CIAO2B: variants seen among roughly 807,000 people sequenced by gnomAD.
CIAO2B encodes the protein cytosolic iron-sulfur assembly component 2B.
In CIAO2B, 20 loss-of-function variants were observed where a neutral mutation model predicts 16.4. That is an observed-to-expected ratio of 1.22 (90% confidence interval 0.86 to 1.77). The LOEUF (loss-of-function observed/expected upper bound fraction) is 1.77. CIAO2B is among the 40% of genes most tolerant of loss of function. The probability of loss-of-function intolerance (pLI) is 0.00; values close to 1 mark genes in which losing one functional copy is unlikely to be tolerated. For synonymous variants in CIAO2B, 106 were observed against 90.4 expected, an observed-to-expected ratio of 1.17 and a Z score of -0.98; for missense variants, 215 against 222.4, an observed-to-expected ratio of 0.97 and a Z score of 0.21.
In CIAO2B at chr16:66,932,446, A is replaced by ATAT. The variant is rs2145490397; in HGVS notation, c.395-149_395-147dup. The ATAT allele has an allele frequency of 4.0e-6, 3 of 751,246 alleles. No homozygotes were observed. The South Asian group carries it at 4.4e-5, about 11-fold the overall frequency. 46.5% of individuals were successfully genotyped at this position (751,246 alleles called of 1,614,324 possible). A position where few individuals can be genotyped will look rare whatever the true frequency, so the allele number is the denominator to read the frequency against. On this transcript the variant is annotated intron_variant, in intron 4 of 4. Coordinates refer to ENST00000422424, the MANE Select transcript of CIAO2B (RefSeq NM_016062.4). ...TGTCACCTCCTTCCCAGGACCCCAC[A>ATAT]TATTGATCAGGCTACTTCAACCACC...
In CIAO2B at chr16:66,934,117, C is replaced by T. The variant is rs1162384707; in HGVS notation, c.143-51G>A. 1 of 1,611,900 alleles carries T rather than the reference C, an allele frequency of 6.2e-7. No individual in the cohort carries two copies. The highest frequency in any genetic ancestry group is 1.3e-5 in the African/African-American group (1 of 74,910). ...TGCGCCCTTGCCCACTTAGAACCCTCTGCCAGGAACGCCCTGCTGGGATGC... is the reference window on the plus strand; with the variant it reads ...TGCGCCCTTGCCCACTTAGAACCCTTTGCCAGGAACGCCCTGCTGGGATGC... On this transcript the variant is annotated intron_variant, in intron 1 of 4. Transcript: ENST00000422424. The surrounding 1 kb of genome is among the most constrained non-coding windows in gnomAD (Gnocchi z 4.1).
intron 3 of CIAO2B, chr16:66,933,341 G>C: frequency 2.2e-6 from 1 of 445,096 alleles, no homozygotes; most frequent in East Asian, 4.3e-5. Flanking sequence ...TGATTTAAAG[G>C]CCTGCCTGTG....
Position 66,933,554 on chromosome 16 carries a change from C to G in CIAO2B, c.348+60G>C, listed in dbSNP as rs1425396951. ...TCCATGTTCATGCTCTCCCAGTCCC[C>G]ATCCTCAGCAGTAGACCCTCAATGC... On this transcript the variant is annotated intron_variant, in intron 3 of 4. Coordinates refer to ENST00000422424, the MANE Select transcript of CIAO2B (RefSeq NM_016062.4). The G allele has an allele frequency of 2.5e-6, 4 of 1,581,038 alleles. No individual in the cohort carries two copies. In the Admixed American group the frequency reaches 5.3e-5, roughly 21 times the overall value.
rs2145493378 is a variant in CIAO2B at position 66,934,162 on chromosome 16, T to C, written c.142+61A>G. 6.2e-7 allele frequency: 1 copy of C among 1,610,784 alleles called. No homozygotes were observed. Among genetic ancestry groups the C allele is most frequent in the Non-Finnish European group, 8.5e-7 (1 of 1,178,864 alleles). On this transcript the variant is annotated intron_variant, in intron 1 of 4. Transcript: ENST00000422424. The surrounding 1 kb of genome is among the most constrained non-coding windows in gnomAD (Gnocchi z 4.1). ...GGATGCGGCTCCACCAGCTGCTCGA[T>C]ATCACTGCTCCCCCCACCGCAAGCC...
chr16:66,932,744 C>T, intron 4 of CIAO2B, 36 bp downstream of exon 4: 1 of 1,594,514 alleles, frequency 6.3e-7, no homozygotes, highest in East Asian at 2.3e-5. Context: ...TTAGGGGGTG[C>T]CCGGGCCAAC....
chr16:66,933,589 C>T (rs1266841333), intron 3 of CIAO2B, 25 bp downstream of exon 3: 2 of 1,605,974 alleles, frequency 1.2e-6, no homozygotes, highest in African/African-American at 1.3e-5. Flanking sequence ...CCTGGTCTCA[C>T]TCCCGGGGCT....
intron 3 of CIAO2B, among the ~76,000 whole-genome samples, chr16:66,933,158 T>C (rs902982025): frequency 6.6e-6 from 1 of 152,016 alleles, no homozygotes; most frequent in Non-Finnish European, 1.5e-5. Flanking sequence ...CCCACTAATT[T>C]TTGTATTTTT....
chr16:66,933,590 T>G (rs374659607), intron 3 of CIAO2B, 24 bp downstream of exon 3: 16 of 1,606,216 alleles, frequency 1.0e-5, no homozygotes, highest in South Asian at 4.5e-5. Context: ...CTGGTCTCAC[T>G]CCCGGGGCTC....
rs1357358460 is a variant in CIAO2B, at chr16:66,932,127, G to A, written c.*76C>T. 10 of 1,153,730 alleles carry A rather than the reference G, an allele frequency of 8.7e-6. No individual in the cohort carries two copies. The highest frequency in any genetic ancestry group is 1.2e-5 in the Non-Finnish European group (10 of 810,206). 71.5% of individuals were successfully genotyped at this position (1,153,730 alleles called of 1,614,324 possible). On this transcript the variant is annotated 3_prime_UTR_variant, in exon 5 of 5. Transcript: ENST00000422424. ...TAGTTTCTCATTGTGAGTGATTCAA[G>A]AAAACAACGGTAACAGCCCTGGCAG...
Position 66,934,034 on chromosome 16 carries a change from G to A in CIAO2B, c.175C>T (p.Pro59Ser). 6.2e-7 allele frequency: 1 copy of A among 1,613,760 alleles called. No homozygotes were observed. Among genetic ancestry groups the A allele is most frequent in the Non-Finnish European group, 8.5e-7 (1 of 1,179,868 alleles). Reference sequence around the variant, plus strand: ...ACGTTCAACTCCTCTAGCGTCAGTGGATGCTCCGGGTCATTGATGGAGCGA... The same window carrying A: ...ACGTTCAACTCCTCTAGCGTCAGTGAATGCTCCGGGTCATTGATGGAGCGA... ...LIRSINDPEH[P>S]LTLEELNVVE... Residue 59 changes from proline (P) to serine (S), a missense_variant, in exon 2 of 5, where the codon CCA becomes TCA. By Grantham distance (74) the Pro-to-Ser change is moderately conservative (BLOSUM62 -1). Coordinates refer to ENST00000422424, the MANE Select transcript of CIAO2B (RefSeq NM_016062.4). The surrounding 1 kb of genome is among the most constrained non-coding windows in gnomAD (Gnocchi z 4.1).
In CIAO2B at chr16:66,933,668, A is replaced by G. The variant is rs1228773608; in HGVS notation, c.294T>C (p.Leu98=). The G allele has an allele frequency of 1.2e-6, 2 of 1,604,946 alleles. No homozygotes were observed. Among genetic ancestry groups the G allele is most frequent in the Non-Finnish European group, 8.5e-7 (1 of 1,176,028 alleles). Reference sequence around the variant, plus strand: ...GCTTGACCTTGATGGACAGACCAATAAGGGTGGCCATGCTGCAGTGCGGAA... The same window carrying G: ...GCTTGACCTTGATGGACAGACCAATGAGGGTGGCCATGCTGCAGTGCGGAA... ...PTIPHCSMAT[L]IGLSIKVKLL... The change falls in exon 3 of 5, where the codon CTT becomes CTC. Residue 98 remains leucine, a synonymous_variant. Transcript: ENST00000422424.
Position 66,934,315 on chromosome 16 carries a change from G to C in CIAO2B, c.50C>G (p.Pro17Arg), listed in dbSNP as rs753507526. Residue 17 changes from proline (P) to arginine (R), a missense_variant, in exon 1 of 5, where the codon CCC (proline) becomes CGC (arginine). Transcript: ENST00000422424. The surrounding 1 kb of genome is among the most constrained non-coding windows in gnomAD (Gnocchi z 4.1). ...VGGGLLENAN[P>R]LIYQRSGERP... is the part of the protein sequence containing the mutation. ...CTCCCCAGAGCGCTGGTAGATGAGG[G>C]GGTTGGCATTCTCCAGGAGGCCGCC... 2 of 1,603,622 alleles carry C rather than the reference G, an allele frequency of 1.2e-6. No individual in the cohort carries two copies. Among genetic ancestry groups the C allele is most frequent in the South Asian group, 2.2e-5 (2 of 90,426 alleles).
In CIAO2B at chr16:66,934,365, C is replaced by A. The variant is rs375950439; in HGVS notation, c.-1G>T. The A allele has an allele frequency of 2.6e-3, 4,025 of 1,550,372 alleles. 19 individuals are homozygous for A. Among genetic ancestry groups the A allele is most frequent in the Non-Finnish European group, 2.6e-3 (3,043 of 1,154,970 alleles). On this transcript the variant is annotated 5_prime_UTR_variant, in exon 1 of 5. Coordinates refer to ENST00000422424, the MANE Select transcript of CIAO2B (RefSeq NM_016062.4). The surrounding 1 kb of genome is among the most constrained non-coding windows in gnomAD (Gnocchi z 4.1). ...CGCCGACCCCGCCGCCGCCTACCAT[C>A]GCGGAACCACCACCGCTGATCCTAG...
At chr16:66,932,626 G>T (rs894314914) in intron 4 of CIAO2B, 154 bp downstream of exon 4, 4 of 908,724 alleles carry the variant, frequency 4.4e-6, no homozygotes, top group Admixed American at 2.0e-5. Context: ...GCCAGCTTCG[G>T]TCTAGGCTAT....
chr16:66,934,164 T>C lies in CIAO2B; in HGVS notation c.142+59A>G. On this transcript the variant is annotated intron_variant, in intron 1 of 4. Coordinates refer to ENST00000422424, the MANE Select transcript of CIAO2B (RefSeq NM_016062.4). The surrounding 1 kb of genome is among the most constrained non-coding windows in gnomAD (Gnocchi z 4.1). ...ATGCGGCTCCACCAGCTGCTCGATA[T>C]CACTGCTCCCCCCACCGCAAGCCCC... The C allele has an allele frequency of 6.2e-7, 1 of 1,610,514 alleles. No individual in the cohort carries two copies. Among genetic ancestry groups the C allele is most frequent in the Non-Finnish European group, 8.5e-7 (1 of 1,178,694 alleles).
chr16:66,933,502 C>A (rs1343647886), intron 3 of CIAO2B, 112 bp downstream of exon 3: 4 of 1,376,246 alleles, frequency 2.9e-6, no homozygotes, highest in East Asian at 2.5e-5. Flanking sequence ...TAATGGGGAT[C>A]CTTCCAGGCC....
intron 3 of CIAO2B, 105 bp downstream of exon 3, chr16:66,933,509 G>T: frequency 7.0e-7 from 1 of 1,427,078 alleles, no homozygotes; most frequent in Non-Finnish European, 9.4e-7. Context: ...GATCCTTCCA[G>T]GCCCCACTCT....
At chr16:66,933,840 C>T (rs1390299167) in intron 2 of CIAO2B, 101 bp from the exon 3 acceptor site, 3 of 1,535,670 alleles carry the variant, frequency 2.0e-6, no homozygotes, top group Non-Finnish European at 2.6e-6. Context: ...CTATGGGCCT[C>T]AGTTTCAACA....
At position 66,934,119 on chromosome 16, in the gene CIAO2B, G is replaced by A. The variant is rs969812225; in HGVS notation, c.143-53C>T. 1.2e-5 allele frequency: 19 copies of A among 1,611,626 alleles called. No individual in the cohort carries two copies. The highest frequency in any genetic ancestry group is 1.3e-5 in the African/African-American group (1 of 74,880). On this transcript the variant is annotated intron_variant, in intron 1 of 4. Coordinates refer to ENST00000422424, the MANE Select transcript of CIAO2B (RefSeq NM_016062.4). The surrounding 1 kb of genome is among the most constrained non-coding windows in gnomAD (Gnocchi z 4.1). The stretch of plus-strand genomic sequence containing the variant: ...CGCCCTTGCCCACTTAGAACCCTCT[G>A]CCAGGAACGCCCTGCTGGGATGCGG...
Sources: allele counts gnomAD v4.1 joint callset (sites outside exome capture counted in the v4.1 genomes callset), GRCh38; gene constraint gnomAD v4.1.1; non-coding constraint Gnocchi (gnomAD v3.1); transcripts MANE v1.5; gene names NCBI Gene and HGNC (gene_info 2026-07-23, HGNC 2026-07-21).